The following TENM3 variants were observed in gnomAD, a reference collection of about 807,000 sequenced individuals.
TENM3 encodes teneurin-3.
Under a neutral mutation model 255.1 loss-of-function variants are expected in TENM3, and 63 were observed. The ratio of observed to expected loss-of-function variants is 0.25; its 90% confidence interval spans 0.20 to 0.30. The LOEUF is 0.30. Ranked by LOEUF, TENM3 falls within the 10% of genes least tolerant of loss-of-function variation. TENM3 has a pLI of 1.00. For missense variants in TENM3, 2,929 were observed against 3,461.1 expected, an observed-to-expected ratio of 0.85 and a Z score of 3.86; for synonymous variants, 1,306 against 1,322.3, an observed-to-expected ratio of 0.99 and a Z score of 0.27.
the TENM3 span, among the ~76,000 whole-genome samples, chr4:181,464,231 C>A: frequency 6.6e-6 from 1 of 152,194 alleles, no homozygotes; most frequent in Non-Finnish European, 1.5e-5. Flanking sequence ...ACGCCAAACT[C>A]TTTTCCAAAG....
chr4:181,564,719 A>G, the TENM3 span, among the ~76,000 whole-genome samples: 2 of 152,186 alleles, frequency 1.3e-5, no homozygotes, highest in Non-Finnish European at 2.9e-5. Context: ...TTCATAGTTA[A>G]ACCCAGTCAA....
intron 1 of TENM3, among the ~76,000 whole-genome samples, chr4:182,204,519 T>C (rs186728758): frequency 2.7e-4 from 41 of 152,306 alleles, no homozygotes; most frequent in African/African-American, 9.4e-4. Flanking sequence ...TATTAGACAC[T>C]GTATACACCC....
At position 182,719,381 on chromosome 4, in the gene TENM3, C is replaced by T. The variant is rs920667011; in HGVS notation, c.2368+5148C>T. 2.7e-5 allele frequency among the ~76,000 whole-genome samples: 4 copies of T among 150,322 alleles called. No homozygotes were observed. In the Admixed American group the frequency reaches 2.7e-4, roughly 10 times the overall value. ...GGTTCAAGGGATTCTCCTGCCTCAGCCTCCCGAGTAGCTGGGACTATAGGC... is the reference window on the plus strand; with the variant it reads ...GGTTCAAGGGATTCTCCTGCCTCAGTCTCCCGAGTAGCTGGGACTATAGGC... On this transcript the variant is annotated intron_variant, in intron 13 of 27. Coordinates refer to ENST00000511685, the MANE Select transcript of TENM3 (RefSeq NM_001080477.4).
chr4:181,506,159 T>G, the TENM3 span, among the ~76,000 whole-genome samples: 1 of 152,018 alleles, frequency 6.6e-6, no homozygotes, highest in Non-Finnish European at 1.5e-5. Flanking sequence ...CTAGGAGTAA[T>G]AGTTTAAATT....
At chr4:181,482,209 G>C in the TENM3 span, among the ~76,000 whole-genome samples, 1 of 152,064 alleles carries the variant, frequency 6.6e-6, no homozygotes, top group African/African-American at 2.4e-5. Flanking sequence ...ATCAGATCAA[G>C]GTAATTAGCA....
rs201460988 is a variant in TENM3, at chr4:182,264,116, G to GA, written c.-76+20648dup. Among the ~76,000 whole-genome samples the GA allele has an allele frequency of 2.2e-3, 328 of 151,906 alleles. 2 individuals are homozygous for GA. The highest frequency in any genetic ancestry group is 5.6e-3 in the African/African-American group (231 of 41,474). On this transcript the variant is annotated intron_variant, in intron 1 of 27. Coordinates refer to ENST00000511685, the MANE Select transcript of TENM3 (RefSeq NM_001080477.4). ...TCTCTGTGCAAATGGCTAAATGAAT[G>GA]AAAAAAAATCAGTGTTTATCTCTTC...
Position 182,799,967 on chromosome 4 carries a change from G to T in TENM3, c.7716G>T (p.Glu2572Asp), listed in dbSNP as rs746066085. ...LRLTSGRKAL[E>D]NGINVTVSQS... ...TGACCAGCGGCCGCAAGGCGCTGGAGAACGGCATCAACGTGACGGTGTCGC... is the reference window on the plus strand; with the variant it reads ...TGACCAGCGGCCGCAAGGCGCTGGATAACGGCATCAACGTGACGGTGTCGC... The change falls in exon 28 of 28, where the codon GAG (glutamate) becomes GAT (aspartate). Residue 2572 changes from glutamate to aspartate, a missense_variant. Physicochemically the swap from Glu to Asp is conservative, Grantham distance 45 (BLOSUM62 2). Transcript: ENST00000511685. The surrounding 1 kb of genome is among the most constrained non-coding windows in gnomAD (Gnocchi z 4.2). 1.3e-6 allele frequency: 2 copies of T among 1,592,484 alleles called. No individual in the cohort carries two copies. Among genetic ancestry groups the T allele is most frequent in the South Asian group, 2.3e-5 (2 of 87,712 alleles).
chr4:182,306,969 G>A (rs1352009763), intron 1 of TENM3, among the ~76,000 whole-genome samples: 1 of 152,108 alleles, frequency 6.6e-6, no homozygotes, highest in Non-Finnish European at 1.5e-5. Flanking sequence ...TGACCCCAAA[G>A]TCTCATTTAC....
chr4:181,600,945 C>G, the TENM3 span, among the ~76,000 whole-genome samples: 1 of 152,004 alleles, frequency 6.6e-6, no homozygotes. Context: ...CTTATTCTGC[C>G]CACTCAGGTC....
At chr4:182,362,522 G>A (rs1032321551) in intron 3 of TENM3, among the ~76,000 whole-genome samples, 7 of 152,174 alleles carry the variant, frequency 4.6e-5, no homozygotes, top group Middle Eastern at 3.2e-3. Flanking sequence ...AGGACCCTCC[G>A]AGCCATGTGC....
the TENM3 span, among the ~76,000 whole-genome samples, chr4:181,977,093 G>A: frequency 9.2e-5 from 14 of 152,268 alleles, no homozygotes; most frequent in East Asian, 9.7e-4. Context: ...GAGCTGGACC[G>A]CCCAGCTTCA....
chr4:181,851,407 G>T, the TENM3 span, among the ~76,000 whole-genome samples: 1 of 152,100 alleles, frequency 6.6e-6, no homozygotes, highest in Non-Finnish European at 1.5e-5. Context: ...GCTGCATCAG[G>T]ATAGACAAGG....
chr4:181,889,602 T>G, the TENM3 span, among the ~76,000 whole-genome samples: 1 of 152,302 alleles, frequency 6.6e-6, no homozygotes, highest in East Asian at 1.9e-4. Flanking sequence ...GTGAACAATT[T>G]ACTTGAACGG....
At chr4:181,616,062 T>C in the TENM3 span, among the ~76,000 whole-genome samples, 1 of 152,020 alleles carries the variant, frequency 6.6e-6, no homozygotes, top group Admixed American at 6.6e-5. Flanking sequence ...CCCCACACTT[T>C]GGCAATTAAA....
At chr4:181,568,465 C>T in the TENM3 span, among the ~76,000 whole-genome samples, 1 of 152,110 alleles carries the variant, frequency 6.6e-6, no homozygotes, top group African/African-American at 2.4e-5. Flanking sequence ...GCTGGGATTA[C>T]AGGCGTGAGC....
intron 3 of TENM3, among the ~76,000 whole-genome samples, chr4:182,554,903 G>A (rs541938511): frequency 8.6e-4 from 125 of 145,902 alleles, no homozygotes; most frequent in African/African-American, 3.0e-3. Flanking sequence ...TTCACATGAT[G>A]TACGTTTCTC....
the TENM3 span, among the ~76,000 whole-genome samples, chr4:181,810,499 G>A: frequency 6.6e-6 from 1 of 151,850 alleles, no homozygotes; most frequent in South Asian, 2.1e-4. Flanking sequence ...AGTGCAGTAT[G>A]TTTCTGCTGT....
intron 1 of TENM3, among the ~76,000 whole-genome samples, chr4:182,286,829 C>T (rs112613292): frequency 0.028 from 4,230 of 152,224 alleles, 200 homozygotes; most frequent in African/African-American, 0.096. Context: ...TTCTCCCTAG[C>T]GTGTGGTCCA....
intron 1 of TENM3, among the ~76,000 whole-genome samples, chr4:182,179,372 T>C (rs1318845614): frequency 6.6e-6 from 1 of 152,230 alleles, no homozygotes; most frequent in African/African-American, 2.4e-5. Flanking sequence ...CAGCAGTGCA[T>C]GGTCTTGTTT....
Sources: gnomAD v4.1 joint callset for allele counts (sites outside exome capture counted in the v4.1 genomes callset) on GRCh38, gnomAD v4.1.1 for gene constraint, Gnocchi (gnomAD v3.1) non-coding constraint, MANE v1.5 for transcripts, NCBI Gene and HGNC (gene_info 2026-07-23, HGNC 2026-07-21) for gene names.